The following LUZP1 variants were observed in gnomAD, a reference collection of about 807,000 sequenced individuals.
LUZP1 encodes filamin mechanobinding actin cross-linking protein.
Under a neutral mutation model 71.3 loss-of-function variants are expected in LUZP1, and 25 were observed. The observed-to-expected ratio is 0.35, with a 90% confidence interval of 0.26 to 0.49. The LOEUF (loss-of-function observed/expected upper bound fraction) is 0.49. Ranked by LOEUF, LUZP1 falls within the 20% of genes least tolerant of loss-of-function variation. The probability of loss-of-function intolerance (pLI) is 0.99; values close to 1 mark genes in which losing one functional copy is unlikely to be tolerated. For missense variants in LUZP1, 1,142 were observed against 1,300.8 expected (o/e 0.88, Z 1.88); for synonymous variants, 481 against 506.4 (o/e 0.95, Z 0.67).
At chr1:23,148,908 A>C (rs1327115310) in intron 2 of LUZP1, among the ~76,000 whole-genome samples, 1 of 151,716 alleles carries the variant, frequency 6.6e-6, no homozygotes, top group Non-Finnish European at 1.5e-5. Context: ...AACACAGACC[A>C]ATCTCTACCA....
intron 3 of LUZP1, among the ~76,000 whole-genome samples, chr1:23,105,973 T>G (rs1349097896): frequency 6.6e-6 from 1 of 152,164 alleles, no homozygotes; most frequent in Non-Finnish European, 1.5e-5. Context: ...CTAGGAATCT[T>G]TCCAAAAATG....
chr1:23,169,979 C>T (rs1644540396), intron 1 of LUZP1, among the ~76,000 whole-genome samples: 1 of 151,802 alleles, frequency 6.6e-6, no homozygotes, highest in Non-Finnish European at 1.5e-5. Context: ...TTTACACACA[C>T]ACACACACAC....
intron 2 of LUZP1, among the ~76,000 whole-genome samples, chr1:23,134,725 C>A (rs1465974093): frequency 1.2e-4 from 18 of 152,110 alleles, no homozygotes; most frequent in Admixed American, 1.2e-3. Context: ...TAAGGCTGCA[C>A]TGAGCCATGA....
intron 2 of LUZP1, among the ~76,000 whole-genome samples, chr1:23,125,903 G>C (rs1247872405): frequency 2.0e-5 from 3 of 152,184 alleles, no homozygotes; most frequent in Non-Finnish European, 2.9e-5. Flanking sequence ...GTTACAAACA[G>C]TAATTTTCAA....
intron 2 of LUZP1, among the ~76,000 whole-genome samples, chr1:23,158,616 T>C (rs561652080): frequency 8.5e-6 from 1 of 117,880 alleles, no homozygotes; most frequent in Admixed American, 1.1e-4. Flanking sequence ...CATTGCACCC[T>C]GACCTGAGTG....
exon 4 of LUZP1, chr1:23,092,558 G>A: frequency 6.2e-7 from 1 of 1,614,214 alleles, no homozygotes; most frequent in Non-Finnish European, 8.5e-7. Context: ...TTCGAGATGA[G>A]GCCAGGGCTC....
At chr1:23,092,511 G>A in exon 4 of LUZP1, 1 of 1,614,192 alleles carries the variant, frequency 6.2e-7, no homozygotes, top group Non-Finnish European at 8.5e-7. Flanking sequence ...GCCATTGGCA[G>A]CCTTTTTGCC....
At chr1:23,145,764 C>T (rs909370949) in intron 2 of LUZP1, among the ~76,000 whole-genome samples, 1 of 152,106 alleles carries the variant, frequency 6.6e-6, no homozygotes, top group African/African-American at 2.4e-5. Flanking sequence ...TGAGCCACTG[C>T]AGCTGGCCAA....
chr1:23,116,700 TTTG>T (rs1644082276), intron 2 of LUZP1, among the ~76,000 whole-genome samples: 1 of 151,966 alleles, frequency 6.6e-6, no homozygotes, highest in Non-Finnish European at 1.5e-5. Context: ...GAGGATCAGT[TTTG>T]TTGTTATTTT....
intron 1 of LUZP1, among the ~76,000 whole-genome samples, chr1:23,175,399 A>G (rs1200241096): frequency 6.6e-6 from 1 of 152,188 alleles, no homozygotes; most frequent in Non-Finnish European, 1.5e-5. Flanking sequence ...ATACAAAGGA[A>G]AGGCATCTCA....
intron 2 of LUZP1, among the ~76,000 whole-genome samples, chr1:23,160,983 A>G (rs1479996518): frequency 6.6e-6 from 1 of 152,246 alleles, no homozygotes; most frequent in Non-Finnish European, 1.5e-5. Flanking sequence ...CAAAACCATG[A>G]TAGACTTCAA....
At chr1:23,144,212 G>C (rs1644326057) in intron 2 of LUZP1, among the ~76,000 whole-genome samples, 1 of 152,168 alleles carries the variant, frequency 6.6e-6, no homozygotes, top group African/African-American at 2.4e-5. Context: ...ATATGGAAGA[G>C]TCTCCAATGC....
At chr1:23,099,329 A>G (rs926095367) in intron 3 of LUZP1, among the ~76,000 whole-genome samples, 11 of 152,236 alleles carry the variant, frequency 7.2e-5, no homozygotes, top group Non-Finnish European at 2.9e-5. Flanking sequence ...TTGCCATCGT[A>G]GTCATTGGAA....
Position 23,093,108 on chromosome 1 carries a change from A to G in LUZP1, c.1154T>C (p.Val385Ala), listed in dbSNP as rs563641084. ...CAGTTCCCGCGCTGTGTGCTTGGAC[A>G]CAGAAGCTTCACTTCCGTGGCCTCT... Residue 385 changes from valine to alanine, a missense_variant, in exon 4 of 5, where the codon GTG becomes GCG. Transcript: ENST00000302291. The surrounding 1 kb of genome is among the most constrained non-coding windows in gnomAD (Gnocchi z 4.2). The G allele has an allele frequency of 1.9e-6, 3 of 1,614,118 alleles. No individual in the cohort carries two copies. The South Asian group carries it at 3.3e-5, about 18-fold the overall frequency.
chr1:23,091,519 C>T (rs781430142), exon 4 of LUZP1: 1 of 1,614,196 alleles, frequency 6.2e-7, no homozygotes, highest in Non-Finnish European at 8.5e-7. Context: ...ACATGTCTGG[C>T]ATCTGAGAAG....
intron 2 of LUZP1, among the ~76,000 whole-genome samples, chr1:23,143,870 C>A (rs1644323533): frequency 6.6e-6 from 1 of 152,166 alleles, no homozygotes; most frequent in Non-Finnish European, 1.5e-5. Context: ...GCAATTTGCT[C>A]AGGGTCACAG....
chr1:23,116,869 A>G (rs1217439440), intron 2 of LUZP1, among the ~76,000 whole-genome samples: 1 of 152,186 alleles, frequency 6.6e-6, no homozygotes, highest in Non-Finnish European at 1.5e-5. Flanking sequence ...TGCCCAGAGC[A>G]TCAATCTAGA....
intron 2 of LUZP1, among the ~76,000 whole-genome samples, chr1:23,117,762 T>A (rs1644096964): frequency 6.6e-6 from 1 of 152,022 alleles, no homozygotes; most frequent in Non-Finnish European, 1.5e-5. Flanking sequence ...AAGTCACACT[T>A]GCCAACATGT....
intron 2 of LUZP1, among the ~76,000 whole-genome samples, chr1:23,116,882 T>G (rs998996292): frequency 6.6e-6 from 1 of 152,126 alleles, no homozygotes; most frequent in Non-Finnish European, 1.5e-5. Context: ...AATCTAGAAG[T>G]TTTTTGTTTT....
Sources: allele counts gnomAD v4.1 joint callset (sites outside exome capture counted in the v4.1 genomes callset), GRCh38; gene constraint gnomAD v4.1.1; non-coding constraint Gnocchi (gnomAD v3.1); transcripts MANE v1.5; gene names NCBI Gene and HGNC (gene_info 2026-07-23, HGNC 2026-07-21).